The following SSBP4 variants were observed in gnomAD, a reference collection of about 807,000 sequenced individuals.
SSBP4 encodes single-stranded DNA-binding protein 4.
In SSBP4, 33 loss-of-function variants were observed where a neutral mutation model predicts 64.6. The ratio of observed to expected loss-of-function variants is 0.51; its 90% CI spans 0.39 to 0.68. SSBP4 has a LOEUF of 0.68. SSBP4 is among the 30% of genes least tolerant of loss of function. SSBP4 has a pLI of 0.00. For missense variants in SSBP4, 583 were observed against 566.8 expected (o/e 1.03, Z -0.29); for synonymous variants, 243 against 224.0 (o/e 1.08, Z -0.76).
At position 18,427,692 on chromosome 19, in the gene SSBP4, G is replaced by C. The variant is rs1784663719; in HGVS notation, c.133-60G>C. 6.5e-7 allele frequency: 1 copy of C among 1,530,642 alleles called. No individual in the cohort carries two copies. The highest frequency in any genetic ancestry group is 1.8e-4 in the Middle Eastern group (1 of 5,558). The allele number at this position is 1,530,642 out of a possible 1,614,324, so 94.8% of individuals were successfully genotyped here. On this transcript the variant is annotated intron_variant, in intron 2 of 17. Transcript: ENST00000270061. This position sits in a 1 kb window ranked among gnomAD's most constrained non-coding sequence, Gnocchi z 4.4. ...TGCCCAGATGTTCTCTGGGCACCCT[G>C]CTGGGTGGTGGGGCAGGGTCAGGTA... is the stretch of plus-strand genomic sequence containing the variant.
At chr19:18,421,350 G>C (rs1006356639) in intron 1 of SSBP4, among the ~76,000 whole-genome samples, 2 of 152,226 alleles carry the variant, frequency 1.3e-5, no homozygotes, top group Non-Finnish European at 2.9e-5. Flanking sequence ...TGCTCAGGTC[G>C]GAAGCAGGAG....
the SSBP4 span, among the ~76,000 whole-genome samples, chr19:18,408,222 T>C: frequency 6.6e-6 from 1 of 152,194 alleles, no homozygotes; most frequent in East Asian, 1.9e-4. Flanking sequence ...CATGGCTCTC[T>C]TGAGAGCAGT....
At position 18,431,776 on chromosome 19, in the gene SSBP4, C is replaced by G. The variant is rs1973406655; in HGVS notation, c.496-17C>G. 1 of 1,540,914 alleles carries G rather than the reference C, an allele frequency of 6.5e-7. No individual in the cohort carries two copies. Among genetic ancestry groups the G allele is most frequent in the Middle Eastern group, 1.7e-4 (1 of 5,884 alleles). On this transcript the variant is annotated splice_polypyrimidine_tract_variant and intron_variant, in intron 7 of 17. Transcript: ENST00000270061. ...AGGGAGCACCCCACACTCAGTGCCG[C>G]CGCACCCCCTCCGCAGCCTCCCGCA...
rs1157139395 is a variant in SSBP4, at chr19:18,419,715, C to G, written c.59+8C>G. ...CAGCCAGGCCCGCGAGAAGTGAGTG[C>G]GGGGCCGGGGGCGGGGCTCGGCGTC... On this transcript the variant is annotated splice_region_variant and intron_variant, in intron 1 of 17. Transcript: ENST00000270061. The G allele has an allele frequency of 2.6e-6, 3 of 1,152,392 alleles. No individual in the cohort carries two copies. The highest frequency in any genetic ancestry group is 1.6e-5 in the African/African-American group (1 of 60,900). 71.4% of individuals were successfully genotyped at this position (1,152,392 alleles called of 1,614,324 possible). A position where few individuals can be genotyped will look rare whatever the true frequency, so the allele number is the denominator to read the frequency against.
the SSBP4 span, among the ~76,000 whole-genome samples, chr19:18,413,540 C>T: frequency 2.0e-5 from 3 of 152,254 alleles, no homozygotes; most frequent in African/African-American, 7.2e-5. Context: ...CACCCCCAAC[C>T]TCATTTTGAT....
At chr19:18,428,565 G>C (rs1046869809) in intron 4 of SSBP4, among the ~76,000 whole-genome samples, 35 of 152,174 alleles carry the variant, frequency 2.3e-4, no homozygotes, top group Non-Finnish European at 4.6e-4. Flanking sequence ...CTGTTGTCAT[G>C]GGGCAGCAGA....
In SSBP4 at chr19:18,426,554, G is replaced by A. The variant is rs1042415533; in HGVS notation, c.60-797G>A. ...GGTGTGGCAGCTGGACTGGAGCGGG[G>A]TGGACAGTCCGGCCTCCCCCTGTGA... On this transcript the variant is annotated intron_variant, in intron 1 of 17. Coordinates refer to ENST00000270061, the MANE Select transcript of SSBP4 (RefSeq NM_032627.5). The surrounding 1 kb of genome is among the most constrained non-coding windows in gnomAD (Gnocchi z 4.5). Among the ~76,000 whole-genome samples the A allele has an allele frequency of 6.6e-6, 1 of 152,280 alleles. No individual in the cohort carries two copies. The highest frequency in any genetic ancestry group is 2.4e-5 in the African/African-American group (1 of 41,554).
intron 15 of SSBP4, 134 bp from the exon 16 acceptor site, chr19:18,433,451 C>T: frequency 2.7e-6 from 4 of 1,462,206 alleles, no homozygotes; most frequent in East Asian, 2.5e-5. Context: ...GCCTCAGTCC[C>T]GGGGTTCCTG....
chr19:18,433,217 A>AGTGGGC lies in SSBP4; in HGVS notation c.991+7_991+12dup. The AGTGGGC allele has an allele frequency of 1.3e-6, 2 of 1,558,896 alleles. No homozygotes were observed. Among genetic ancestry groups the AGTGGGC allele is most frequent in the Non-Finnish European group, 1.7e-6 (2 of 1,152,190 alleles). The stretch of plus-strand genomic sequence containing the variant: ...CACCACGTGAACGGATCCCTGGGTG[A>AGTGGGC]GTGGGCGTCCCTGCTCCCGCCCACG... On this transcript the variant is annotated splice_donor_region_variant and intron_variant, in intron 15 of 17. Coordinates refer to ENST00000270061, the MANE Select transcript of SSBP4 (RefSeq NM_032627.5).
intron 15 of SSBP4, 101 bp from the exon 16 acceptor site, chr19:18,433,484 G>T: frequency 1.1e-6 from 1 of 913,384 alleles, no homozygotes; most frequent in South Asian, 2.0e-5. Flanking sequence ...GGGCGGGGGC[G>T]CGTCGGCGGG....
Position 18,431,780 on chromosome 19 carries a change from A to C in SSBP4, c.496-13A>C, listed in dbSNP as rs2144790120. ...AGCACCCCACACTCAGTGCCGCCGC[A>C]CCCCCTCCGCAGCCTCCCGCAGGCC... On this transcript the variant is annotated splice_polypyrimidine_tract_variant and intron_variant, in intron 7 of 17. Coordinates refer to ENST00000270061, the MANE Select transcript of SSBP4 (RefSeq NM_032627.5). 3.3e-6 allele frequency: 5 copies of C among 1,537,414 alleles called. No homozygotes were observed. The highest frequency in any genetic ancestry group is 4.4e-6 in the Non-Finnish European group (5 of 1,138,076).
At chr19:18,428,376 T>C (rs1973026276) in intron 4 of SSBP4, among the ~76,000 whole-genome samples, 1 of 152,154 alleles carries the variant, frequency 6.6e-6, no homozygotes, top group Admixed American at 6.5e-5. Flanking sequence ...GCTGCTCCTC[T>C]GAGCGGGGAG....
the SSBP4 span, among the ~76,000 whole-genome samples, chr19:18,405,639 G>A: frequency 3.9e-5 from 6 of 152,162 alleles, no homozygotes; most frequent in East Asian, 1.2e-3. Flanking sequence ...CTCCAGAGTA[G>A]CTGGGTCTGC....
At chr19:18,415,113 C>T (rs1972121546), upstream of SSBP4, among the ~76,000 whole-genome samples, 1 of 147,912 alleles carries the variant, frequency 6.8e-6, no homozygotes, top group African/African-American at 2.5e-5. Flanking sequence ...TGTGGCTGCT[C>T]CCACCCTGGT....
Position 18,419,477 on chromosome 19 carries a change from T to TGCC in SSBP4, c.-160_-158dup, listed in dbSNP as rs901750144. ...CCGGGGCCGGAGCTGGAGCCGCCGCTGCCGCCGCCGCCGCGGCCGTCTGGA... is the reference window on the plus strand; with the variant it reads ...CCGGGGCCGGAGCTGGAGCCGCCGCTGCCGCCGCCGCCGCCGCGGCCGTCTGGA... On this transcript the variant is annotated 5_prime_UTR_variant, in exon 1 of 18. Transcript: ENST00000270061. The TGCC allele has an allele frequency of 4.0e-5, 43 of 1,078,062 alleles. No individual in the cohort carries two copies. Among genetic ancestry groups the TGCC allele is most frequent in the Admixed American group, 5.3e-5 (1 of 19,020 alleles). The allele number at this position is 1,078,062 out of a possible 1,614,324, so 66.8% of individuals were successfully genotyped here. A position where few individuals can be genotyped will look rare whatever the true frequency, so the allele number is the denominator to read the frequency against.
chr19:18,433,254 G>A (rs1568358031), intron 15 of SSBP4, 41 bp downstream of exon 15: 1 of 1,536,670 alleles, frequency 6.5e-7, no homozygotes, highest in Admixed American at 2.0e-5. Flanking sequence ...TGCCTTCCGG[G>A]CCCGTGCGCT....
chr19:18,427,649 C>A lies in SSBP4; in HGVS notation c.133-103C>A. The A allele has an allele frequency of 7.2e-7, 1 of 1,388,902 alleles. No individual in the cohort carries two copies. The highest frequency in any genetic ancestry group is 9.7e-7 in the Non-Finnish European group (1 of 1,029,684). 86.0% of individuals were successfully genotyped at this position (1,388,902 alleles called of 1,614,324 possible). On this transcript the variant is annotated intron_variant, in intron 2 of 17. Coordinates refer to ENST00000270061, the MANE Select transcript of SSBP4 (RefSeq NM_032627.5). This position sits in a 1 kb window ranked among gnomAD's most constrained non-coding sequence, Gnocchi z 4.4. ...GCCCTCTGCCCACCCTGTTACCCTTCCCTCCCCACTCCCTCCCTGCCCAGA... is the reference window on the plus strand; with the variant it reads ...GCCCTCTGCCCACCCTGTTACCCTTACCTCCCCACTCCCTCCCTGCCCAGA...
chr19:18,404,051 C>G, the SSBP4 span, among the ~76,000 whole-genome samples: 1 of 151,902 alleles, frequency 6.6e-6, no homozygotes, highest in African/African-American at 2.4e-5. Context: ...GCCCGCCCCC[C>G]AGCTATACTC....
At chr19:18,415,000 T>C (rs1220520118), upstream of SSBP4, among the ~76,000 whole-genome samples, 1 of 152,160 alleles carries the variant, frequency 6.6e-6, no homozygotes, top group Non-Finnish European at 1.5e-5. Context: ...TGAGGCTGTC[T>C]GAACACCCCT....
Sources: gnomAD v4.1 joint callset for allele counts (sites outside exome capture counted in the v4.1 genomes callset) on GRCh38, gnomAD v4.1.1 for gene constraint, Gnocchi (gnomAD v3.1) non-coding constraint, MANE v1.5 for transcripts, NCBI Gene and HGNC (gene_info 2026-07-23, HGNC 2026-07-21) for gene names.